DLGAP2: variants seen among roughly 807,000 people sequenced by gnomAD.
DLGAP2 encodes DLG associated protein 2.
DLGAP2 carries 26 observed loss-of-function variants against 100.3 expected under a neutral mutation model. The ratio of observed to expected loss-of-function variants is 0.26; its 90% CI spans 0.19 to 0.36. DLGAP2 has a LOEUF of 0.36. Among genes scored for constraint, DLGAP2 ranks in the 10% least tolerant of loss-of-function variants. DLGAP2 has a pLI of 1.00. For synonymous variants in DLGAP2, 886 were observed against 630.1 expected (o/e 1.41, Z -6.08); for missense variants, 1,858 against 1,453.2 (o/e 1.28, Z -4.53).
At chr8:1,131,355 A>G (rs564941459) in intron 2 of DLGAP2, among the ~76,000 whole-genome samples, 55 of 152,256 alleles carry the variant, frequency 3.6e-4, no homozygotes, top group African/African-American at 1.3e-3. Flanking sequence ...CTCCAGATCC[A>G]CGTGCCGGCA....
rs550222418 is a variant in DLGAP2, at chr8:950,627, T to C, written c.73+42661T>C. 2.7e-3 allele frequency among the ~76,000 whole-genome samples: 394 copies of C among 148,458 alleles called. 1 individual carries two copies. The highest frequency in any genetic ancestry group is 9.0e-3 in the African/African-American group (364 of 40,532). On this transcript the variant is annotated intron_variant, in intron 2 of 14. Coordinates refer to ENST00000637795, the MANE Select transcript of DLGAP2 (RefSeq NM_001346810.2). ...ATATTTCTTTTTTTCTTTTTCTTTT[T>C]TTTTTTTTTTTTGAGATGGAGTCTC...
chr8:942,711 C>G (rs993359535), intron 2 of DLGAP2, among the ~76,000 whole-genome samples: 4 of 152,226 alleles, frequency 2.6e-5, no homozygotes, highest in African/African-American at 9.6e-5. Context: ...CTTCTGACAC[C>G]AACTTCACTG....
At chr8:1,662,969 G>C (rs55930860) in intron 8 of DLGAP2, among the ~76,000 whole-genome samples, 1 of 145,856 alleles carries the variant, frequency 6.9e-6, no homozygotes, top group East Asian at 2.0e-4. Flanking sequence ...TGAGTGTGGG[G>C]TATGACTGTG....
chr8:1,306,843 CA>C (rs1800503514), intron 3 of DLGAP2, among the ~76,000 whole-genome samples: 1 of 152,136 alleles, frequency 6.6e-6, no homozygotes, highest in South Asian at 2.1e-4. Context: ...TGGATATCAA[CA>C]TATAAATAAT....
chr8:1,497,848 C>T (rs1312121556), intron 3 of DLGAP2, among the ~76,000 whole-genome samples: 1 of 152,110 alleles, frequency 6.6e-6, no homozygotes, highest in Non-Finnish European at 1.5e-5. Flanking sequence ...TTCCTGTTGT[C>T]GACAAAAAGA....
chr8:1,074,472 C>G (rs1196077761), intron 2 of DLGAP2, among the ~76,000 whole-genome samples: 1 of 152,226 alleles, frequency 6.6e-6, no homozygotes, highest in Admixed American at 6.5e-5. Flanking sequence ...TACAGAAACC[C>G]TTTCATGTGG....
At chr8:905,896 T>A (rs542115022) in intron 1 of DLGAP2, among the ~76,000 whole-genome samples, 1 of 150,802 alleles carries the variant, frequency 6.6e-6, no homozygotes, top group South Asian at 2.1e-4. Context: ...CTGCACGTGA[T>A]AGAGACGTGG....
intron 2 of DLGAP2, among the ~76,000 whole-genome samples, chr8:1,096,868 G>A (rs1404902076): frequency 1.4e-5 from 2 of 142,574 alleles, no homozygotes; most frequent in East Asian, 4.2e-4. Context: ...TTCACCCTCT[G>A]TGGCATGGAG....
chr8:982,354 A>T (rs1470541165), intron 2 of DLGAP2, among the ~76,000 whole-genome samples: 2 of 152,214 alleles, frequency 1.3e-5, no homozygotes, highest in East Asian at 1.9e-4. Flanking sequence ...AACTAGACTC[A>T]AGAGCTGTTG....
At chr8:1,353,922 A>G (rs1333376265) in intron 3 of DLGAP2, among the ~76,000 whole-genome samples, 1 of 152,192 alleles carries the variant, frequency 6.6e-6, no homozygotes, top group Admixed American at 6.5e-5. Flanking sequence ...AAAAGCAGTT[A>G]TTTAGCCCAA....
At position 1,643,279 on chromosome 8, in the gene DLGAP2, G is replaced by A. The variant is rs1457242577; in HGVS notation, c.1810+10233G>A. On this transcript the variant is annotated intron_variant, in intron 8 of 14. Transcript: ENST00000637795. Reference sequence around the variant, plus strand: ...CACCTGTGTCACCCTCGACCCCGCCGGTCCTCACCTGTGTCACCCTCGACC... The same window carrying A: ...CACCTGTGTCACCCTCGACCCCGCCAGTCCTCACCTGTGTCACCCTCGACC... 1.3e-4 allele frequency among the ~76,000 whole-genome samples: 2 copies of A among 15,580 alleles called. 1 individual carries two copies. Among genetic ancestry groups the A allele is most frequent in the African/African-American group, 1.2e-3 (2 of 1,614 alleles). The allele number at this position is 15,580 out of a possible 152,430, so 10.2% of individuals were successfully genotyped here.
chr8:1,453,309 C>T (rs1380793027), intron 3 of DLGAP2, among the ~76,000 whole-genome samples: 1 of 152,026 alleles, frequency 6.6e-6, no homozygotes, highest in African/African-American at 2.4e-5. Context: ...GTGACTGTCA[C>T]CAAGTGGGAG....
rs184276734 is a variant in DLGAP2, at chr8:761,838, C to T, written c.18+24013C>T. 2.7e-4 allele frequency among the ~76,000 whole-genome samples: 41 copies of T among 152,298 alleles called. No homozygotes were observed. In the South Asian group the frequency reaches 3.7e-3, roughly 14 times the overall value. On this transcript the variant is annotated intron_variant, in intron 1 of 14. Coordinates refer to ENST00000637795, the MANE Select transcript of DLGAP2 (RefSeq NM_001346810.2). Reference sequence around the variant, plus strand: ...TTCTTGCACCAGCTGTCCAGCCTGGCGTGCGACACCCTGCGGAGGAGGCCC... The same window carrying T: ...TTCTTGCACCAGCTGTCCAGCCTGGTGTGCGACACCCTGCGGAGGAGGCCC...
chr8:1,244,085 T>G (rs962655176), intron 2 of DLGAP2, among the ~76,000 whole-genome samples: 3 of 151,904 alleles, frequency 2.0e-5, no homozygotes, highest in Admixed American at 1.3e-4. Flanking sequence ...GTGTCAGCTC[T>G]CAGCCTCTGC....
chr8:1,086,068 T>G (rs1009631636), intron 2 of DLGAP2, among the ~76,000 whole-genome samples: 2 of 152,180 alleles, frequency 1.3e-5, no homozygotes, highest in Non-Finnish European at 2.9e-5. Flanking sequence ...TTTAGAAAGT[T>G]TATTGTTAGT....
chr8:1,244,949 C>T (rs1345623076), intron 2 of DLGAP2, among the ~76,000 whole-genome samples: 3 of 152,136 alleles, frequency 2.0e-5, no homozygotes, highest in Admixed American at 2.0e-4. Flanking sequence ...AAGGGATGGG[C>T]AGAGGGCATG....
intron 2 of DLGAP2, among the ~76,000 whole-genome samples, chr8:1,062,338 C>A (rs1233542831): frequency 6.6e-6 from 1 of 152,198 alleles, no homozygotes; most frequent in Non-Finnish European, 1.5e-5. Context: ...CTGTGGCTGA[C>A]TGGAGCCTCG....
At chr8:1,089,472 C>A (rs962368222) in intron 2 of DLGAP2, among the ~76,000 whole-genome samples, 1 of 152,206 alleles carries the variant, frequency 6.6e-6, no homozygotes, top group South Asian at 2.1e-4. Flanking sequence ...AGAGTCAGCT[C>A]CGTCTGTCCC....
At chr8:1,455,376 G>A (rs544507022) in intron 3 of DLGAP2, among the ~76,000 whole-genome samples, 1 of 152,348 alleles carries the variant, frequency 6.6e-6, no homozygotes, top group African/African-American at 2.4e-5. Context: ...AAGTCCACAT[G>A]AGTCCCCCTG....
Sources: allele counts gnomAD v4.1 joint callset (sites outside exome capture counted in the v4.1 genomes callset), GRCh38; gene constraint gnomAD v4.1.1; transcripts MANE v1.5; gene names NCBI Gene and HGNC (gene_info 2026-07-23, HGNC 2026-07-21).